Variants in INTS4 observed in about 807,000 individuals in gnomAD.
The protein encoded by INTS4 is integrator complex subunit 4.
Under a neutral mutation model 119.5 loss-of-function variants are expected in INTS4, and 70 were observed. The ratio of observed to expected loss-of-function variants is 0.59; its 90% CI spans 0.48 to 0.71. The LOEUF (loss-of-function observed/expected upper bound fraction) is 0.71, where lower values mean the gene tolerates loss of function less well. Among genes scored for constraint, INTS4 ranks in the 30% least tolerant of loss-of-function variants. The pLI is 0.00. For missense variants in INTS4, 867 were observed against 1,173.2 expected (o/e 0.74, Z 3.81); for synonymous variants, 316 against 419.6 (o/e 0.75, Z 3.02).
At chr11:77,914,271 T>C (rs1953155926) in intron 15 of INTS4, among the ~76,000 whole-genome samples, 1 of 152,216 alleles carries the variant, frequency 6.6e-6, no homozygotes, top group Non-Finnish European at 1.5e-5. Context: ...ACCCAGACCA[T>C]GAAGGCGAGT....
chr11:77,927,832 A>C lies in INTS4; in HGVS notation c.1371+510T>G, dbSNP rs3897678. Among the ~76,000 whole-genome samples, 6 of 152,260 alleles carry C rather than the reference A, an allele frequency of 3.9e-5. No individual in the cohort carries two copies. In the East Asian group the frequency reaches 9.6e-4, roughly 24 times the overall value. On this transcript the variant is annotated intron_variant, in intron 11 of 22. Coordinates refer to ENST00000534064, the MANE Select transcript of INTS4 (RefSeq NM_033547.4). ...CACTCTTCCATCTCTTCAACTCTAC[A>C]CTATCATTATAATAAACTCTTTTTA...
In INTS4 at chr11:77,924,889, A is replaced by C; in HGVS notation, c.1375T>G (p.Ser459Ala). Residue 459 changes from serine to alanine, a missense_variant, in exon 12 of 23, where the codon TCA (serine) becomes GCA (alanine). Transcript: ENST00000534064. ...LDTVLAVLED[S>A]SRDIREALHE... Reference sequence around the variant, plus strand: ...AGAGCCTCTCGAATATCTCTGGATGAATCCTTTTAAAAAAAAAGTAATAAT... The same window carrying C: ...AGAGCCTCTCGAATATCTCTGGATGCATCCTTTTAAAAAAAAAGTAATAAT... 2 of 1,598,930 alleles carry C rather than the reference A, an allele frequency of 1.3e-6. No individual in the cohort carries two copies. Among genetic ancestry groups the C allele is most frequent in the Non-Finnish European group, 8.6e-7 (1 of 1,168,982 alleles).
In INTS4 at chr11:77,966,415, T is replaced by C. The variant is rs1348194403; in HGVS notation, c.472-5277A>G. On this transcript the variant is annotated intron_variant, in intron 4 of 22. Transcript: ENST00000534064. ...GAGCTTTCCCTGTGTTTTCTTCTAGTAGTTTTACAGTTTCAGGTCGTATGT... is the reference window on the plus strand; with the variant it reads ...GAGCTTTCCCTGTGTTTTCTTCTAGCAGTTTTACAGTTTCAGGTCGTATGT... Among the ~76,000 whole-genome samples the C allele has an allele frequency of 2.0e-5, 3 of 152,310 alleles. No individual in the cohort carries two copies. In the Middle Eastern group the frequency reaches 0.01, roughly 518 times the overall value.
chr11:77,937,610 G>A (rs1455265516), intron 10 of INTS4, among the ~76,000 whole-genome samples: 1 of 152,092 alleles, frequency 6.6e-6, no homozygotes, highest in Non-Finnish European at 1.5e-5. Context: ...CGGGCATGGT[G>A]ACACGTGCTT....
chr11:77,907,397 T>C (rs991911998), intron 16 of INTS4, among the ~76,000 whole-genome samples: 1 of 152,178 alleles, frequency 6.6e-6, no homozygotes, highest in South Asian at 2.1e-4. Context: ...TTTAAGAAGA[T>C]AGTCTAAAAC....
At chr11:77,932,240 C>A (rs200862710) in intron 10 of INTS4, among the ~76,000 whole-genome samples, 28,332 of 151,862 alleles carry the variant, frequency 0.19, 2,686 homozygotes, top group Middle Eastern at 0.23. Flanking sequence ...AACAAATTTC[C>A]AAAAAACAAA....
rs1279965959 is a variant in INTS4, at chr11:77,948,927, C to G, written c.918+7015G>C. Among the ~76,000 whole-genome samples, 3 of 152,082 alleles carry G rather than the reference C, an allele frequency of 2.0e-5. No homozygotes were observed. In the East Asian group the frequency reaches 5.8e-4, roughly 29 times the overall value. ...CCTACGGTATGCAACAAAAGCAGTTCTAAGAGATAAGTGTACAGCAATAAA... is the reference window on the plus strand; with the variant it reads ...CCTACGGTATGCAACAAAAGCAGTTGTAAGAGATAAGTGTACAGCAATAAA... On this transcript the variant is annotated intron_variant, in intron 8 of 22. Transcript: ENST00000534064.
intron 17 of INTS4, among the ~76,000 whole-genome samples, chr11:77,902,728 C>T (rs1329986814): frequency 6.6e-6 from 1 of 152,168 alleles, no homozygotes; most frequent in Non-Finnish European, 1.5e-5. Flanking sequence ...TTTACAGACT[C>T]CCTATCTGGA....
At chr11:77,990,972 C>T in intron 2 of INTS4, 136 bp downstream of exon 2, 1 of 701,416 alleles carries the variant, frequency 1.4e-6, no homozygotes, top group Non-Finnish European at 2.4e-6. Flanking sequence ...TCTCGGTATC[C>T]ATAGTACCTA....
chr11:77,959,742 T>G (rs1044720158), intron 6 of INTS4, among the ~76,000 whole-genome samples: 2 of 152,146 alleles, frequency 1.3e-5, no homozygotes, highest in Non-Finnish European at 1.5e-5. Context: ...CCATGAGAGA[T>G]AAAACCACTC....
chr11:77,920,338 C>T (rs1953327955), intron 14 of INTS4, among the ~76,000 whole-genome samples: 1 of 148,730 alleles, frequency 6.7e-6, no homozygotes, highest in South Asian at 2.1e-4. Context: ...CATATTACTC[C>T]AAATAAAGTG....
chr11:77,928,455 A>G lies in INTS4; in HGVS notation c.1258T>C (p.Phe420Leu). ...CGTACTTCCTCAATTTCATCGTTGA[A>G]CATGTCAACTAGGAAATCAAGGCAC... ...EKCLDFLVDMFNDEIEEVRLQ... is the reference protein window; with the variant it reads ...EKCLDFLVDMLNDEIEEVRLQ... The change falls in exon 11 of 23, where the codon TTC becomes CTC. Residue 420 changes from phenylalanine (F) to leucine (L), a missense_variant. Transcript: ENST00000534064. 1 of 1,612,342 alleles carries G rather than the reference A, an allele frequency of 6.2e-7. No individual in the cohort carries two copies. The highest frequency in any genetic ancestry group is 8.5e-7 in the Non-Finnish European group (1 of 1,178,908).
At chr11:77,898,969 G>C (rs533908587) in intron 18 of INTS4, among the ~76,000 whole-genome samples, 5 of 152,316 alleles carry the variant, frequency 3.3e-5, no homozygotes, top group African/African-American at 1.2e-4. Context: ...GCAGTGAGTT[G>C]AGATCGTGCC....
At chr11:77,975,323 C>T (rs975739602) in intron 4 of INTS4, among the ~76,000 whole-genome samples, 1 of 151,860 alleles carries the variant, frequency 6.6e-6, no homozygotes, top group Non-Finnish European at 1.5e-5. Context: ...TTGATTTCTT[C>T]GTTGACTCAT....
At chr11:77,981,713 T>C (rs1856228654) in intron 2 of INTS4, 137 bp from the exon 3 acceptor site, 1 of 399,336 alleles carries the variant, frequency 2.5e-6, no homozygotes, top group African/African-American at 2.1e-5. Flanking sequence ...AAATTAATTT[T>C]ATATACTTCT....
At chr11:77,943,254 T>C (rs569879931) in intron 8 of INTS4, among the ~76,000 whole-genome samples, 2 of 152,188 alleles carry the variant, frequency 1.3e-5, no homozygotes, top group Non-Finnish European at 2.9e-5. Flanking sequence ...TTAAATATCA[T>C]TACTTGAAAT....
intron 18 of INTS4, among the ~76,000 whole-genome samples, chr11:77,896,390 G>A (rs1214370277): frequency 2.6e-5 from 4 of 152,150 alleles, no homozygotes; most frequent in South Asian, 2.1e-4. Context: ...AGTGGCTCAC[G>A]CCTGTAATTC....
At chr11:77,888,063 G>GA (rs1470892685) in intron 21 of INTS4, among the ~76,000 whole-genome samples, 41 of 152,066 alleles carry the variant, frequency 2.7e-4, no homozygotes, top group Admixed American at 7.2e-4. Flanking sequence ...CACAGAATTG[G>GA]AAAAAACTAC....
At chr11:77,956,906 G>A (rs755419141) in intron 7 of INTS4, among the ~76,000 whole-genome samples, 8 of 152,080 alleles carry the variant, frequency 5.3e-5, no homozygotes, top group Non-Finnish European at 1.2e-4. Flanking sequence ...CACTCTGGGA[G>A]TACAAACCAA....
Sources: gnomAD v4.1 joint callset for allele counts (sites outside exome capture counted in the v4.1 genomes callset) on GRCh38, gnomAD v4.1.1 for gene constraint, MANE v1.5 for transcripts, NCBI Gene and HGNC (gene_info 2026-07-23, HGNC 2026-07-21) for gene names.